TTC28: variants seen among roughly 807,000 people sequenced by gnomAD.
TTC28 encodes the protein tetratricopeptide repeat protein 28.
A neutral mutation model predicts 198.0 loss-of-function variants in TTC28; 61 were observed. The ratio of observed to expected loss-of-function variants is 0.31; its 90% CI spans 0.25 to 0.38. The LOEUF is 0.38. Among genes scored for constraint, TTC28 ranks in the 10% least tolerant of loss-of-function variants. TTC28 has a pLI of 1.00. For missense variants in TTC28, 2,678 were observed against 3,164.0 expected (o/e 0.85, Z 3.69); for synonymous variants, 1,171 against 1,297.8 (o/e 0.90, Z 2.10).
At chr22:28,367,665 AC>A (rs1188125813) in intron 2 of TTC28, among the ~76,000 whole-genome samples, 1 of 152,052 alleles carries the variant, frequency 6.6e-6, no homozygotes, top group African/African-American at 2.4e-5. Flanking sequence ...AAATTGACAA[AC>A]CTTTAGCCAG....
At chr22:28,020,005 A>G (rs1938526799) in intron 13 of TTC28, among the ~76,000 whole-genome samples, 1 of 152,178 alleles carries the variant, frequency 6.6e-6, no homozygotes, top group Non-Finnish European at 1.5e-5. Flanking sequence ...TCCTCTTCAG[A>G]TGAGGAACCA....
chr22:28,603,227 T>C (rs2050670833), intron 2 of TTC28, among the ~76,000 whole-genome samples: 1 of 151,804 alleles, frequency 6.6e-6, no homozygotes, highest in East Asian at 1.9e-4. Flanking sequence ...GAACAACAAA[T>C]AATATTTCAT....
intron 3 of TTC28, among the ~76,000 whole-genome samples, chr22:28,304,586 G>C (rs1306605532): frequency 3.3e-5 from 5 of 152,128 alleles, no homozygotes; most frequent in African/African-American, 1.2e-4. Context: ...ACATAAGATG[G>C]GAAAGAACCT....
chr22:28,025,979 T>C (rs932975641), intron 13 of TTC28, among the ~76,000 whole-genome samples: 4 of 152,152 alleles, frequency 2.6e-5, no homozygotes, highest in African/African-American at 7.2e-5. Context: ...GAGATGGCTC[T>C]CCTCTCCAGT....
At chr22:28,161,714 GA>G (rs1409606590) in intron 6 of TTC28, among the ~76,000 whole-genome samples, 1 of 144,602 alleles carries the variant, frequency 6.9e-6, no homozygotes, top group African/African-American at 2.5e-5. Context: ...GGGGAAAGAG[GA>G]AAGGAAAGAG....
Position 28,521,118 on chromosome 22 carries a change from G to A in TTC28, c.381+108434C>T, listed in dbSNP as rs548784211. ...AATATATATGTTAAAACTATGTTGAGGCAAGGGGCAGTGGCTCATGCCTAT... is the reference window on the plus strand; with the variant it reads ...AATATATATGTTAAAACTATGTTGAAGCAAGGGGCAGTGGCTCATGCCTAT... On this transcript the variant is annotated intron_variant, in intron 2 of 22. Transcript: ENST00000397906. 1.1e-3 allele frequency among the ~76,000 whole-genome samples: 167 copies of A among 152,182 alleles called. 2 individuals carry two copies. Among genetic ancestry groups the A allele is most frequent in the Non-Finnish European group, 2.1e-3 (143 of 68,012 alleles).
intron 1 of TTC28, among the ~76,000 whole-genome samples, chr22:28,654,731 ATC>A (rs756928788): frequency 6.6e-6 from 1 of 152,198 alleles, no homozygotes; most frequent in Non-Finnish European, 1.5e-5. Context: ...CACTTCAACC[ATC>A]TTCAGTGGAC....
intron 2 of TTC28, among the ~76,000 whole-genome samples, chr22:28,576,184 T>C (rs2050147464): frequency 1.3e-5 from 2 of 151,980 alleles, no homozygotes; most frequent in African/African-American, 4.8e-5. Flanking sequence ...TTTTTTTTTT[T>C]AGTATTTTTA....
chr22:28,580,426 C>T (rs2050218162), intron 2 of TTC28, among the ~76,000 whole-genome samples: 1 of 152,062 alleles, frequency 6.6e-6, no homozygotes, highest in South Asian at 2.1e-4. Flanking sequence ...AAAATAGAGG[C>T]AGGGTCTCAC....
intron 5 of TTC28, among the ~76,000 whole-genome samples, chr22:28,219,295 G>T (rs1327122030): frequency 6.6e-6 from 1 of 152,162 alleles, no homozygotes; most frequent in Admixed American, 6.5e-5. Flanking sequence ...GACTGCCTGA[G>T]GTCAGGAGTT....
chr22:28,514,880 T>C (rs999879058), intron 2 of TTC28, among the ~76,000 whole-genome samples: 1 of 152,236 alleles, frequency 6.6e-6, no homozygotes, highest in Non-Finnish European at 1.5e-5. Context: ...AGGTTATTAA[T>C]GTTTCATCCC....
chr22:28,574,615 C>T (rs762253322), intron 2 of TTC28, among the ~76,000 whole-genome samples: 1 of 152,056 alleles, frequency 6.6e-6, no homozygotes, highest in Non-Finnish European at 1.5e-5. Context: ...TTGTCCAAAG[C>T]AGTTTTACTA....
chr22:28,599,711 G>A (rs925615536), intron 2 of TTC28, among the ~76,000 whole-genome samples: 10 of 152,158 alleles, frequency 6.6e-5, no homozygotes, highest in African/African-American at 2.4e-4. Flanking sequence ...ATTAGAAGAA[G>A]GCTCTAGATT....
At position 28,594,707 on chromosome 22, in the gene TTC28, G is replaced by GA. The variant is rs147978191; in HGVS notation, c.381+34844dup. On this transcript the variant is annotated intron_variant, in intron 2 of 22. Coordinates refer to ENST00000397906, the MANE Select transcript of TTC28 (RefSeq NM_001145418.2). ...TCATTGCACTCCAAGTACTGAAATA[G>GA]ATAGGATCCTCTCTTTGAGGAAGGA... is the stretch of plus-strand genomic sequence containing the variant. 1.8e-3 allele frequency among the ~76,000 whole-genome samples: 280 copies of GA among 152,212 alleles called. 2 individuals carry two copies. Among genetic ancestry groups the GA allele is most frequent in the African/African-American group, 6.6e-3 (274 of 41,528 alleles).
At chr22:28,551,972 G>C (rs2049681069) in intron 2 of TTC28, among the ~76,000 whole-genome samples, 1 of 152,058 alleles carries the variant, frequency 6.6e-6, no homozygotes, top group Admixed American at 6.6e-5. Flanking sequence ...CATATACCTA[G>C]AGAACCCTCA....
At chr22:28,677,012 G>A (rs182424971) in intron 1 of TTC28, among the ~76,000 whole-genome samples, 41 of 151,382 alleles carry the variant, frequency 2.7e-4, no homozygotes, top group Middle Eastern at 3.4e-3. Context: ...AAAATTAGCC[G>A]GGCATGGCGG....
chr22:28,205,460 G>GC (rs1382572579), intron 5 of TTC28, among the ~76,000 whole-genome samples: 2 of 151,898 alleles, frequency 1.3e-5, no homozygotes, highest in Non-Finnish European at 2.9e-5. Flanking sequence ...TCTGCCAACT[G>GC]CCCATACTCC....
At chr22:28,256,492 T>C (rs1254576287) in intron 5 of TTC28, among the ~76,000 whole-genome samples, 1 of 150,430 alleles carries the variant, frequency 6.6e-6, no homozygotes, top group Non-Finnish European at 1.5e-5. Flanking sequence ...AAGAGATTAA[T>C]GTAAGAGTTA....
At position 28,163,484 on chromosome 22, in the gene TTC28, T is replaced by C. The variant is rs1482903687; in HGVS notation, c.1049A>G (p.Glu350Gly). Residue 350 changes from glutamate (E) to glycine (G), a missense_variant, in exon 6 of 23, where the codon GAA becomes GGA. Around this residue, in one of 8 missense-constraint regions of TTC28, gnomAD observed 775 missense variants for 845.9 expected, o/e 0.92. Transcript: ENST00000397906. ...CVLLAKQSKD[E>G]LSEARELGNM... is the part of the protein sequence containing the mutation. ...GCCAAGTTCTCGGGCTTCAGAAAGTTCATCTTTGGATTGCTTGGCAAGAAG... is the reference window on the plus strand; with the variant it reads ...GCCAAGTTCTCGGGCTTCAGAAAGTCCATCTTTGGATTGCTTGGCAAGAAG... 6.4e-7 allele frequency: 1 copy of C among 1,551,632 alleles called. No homozygotes were observed. Among genetic ancestry groups the C allele is most frequent in the Non-Finnish European group, 8.7e-7 (1 of 1,147,020 alleles).
Sources: allele counts gnomAD v4.1 joint callset (sites outside exome capture counted in the v4.1 genomes callset), GRCh38; gene constraint gnomAD v4.1.1; regional missense constraint gnomAD v4.1.1; transcripts MANE v1.5; gene names NCBI Gene and HGNC (gene_info 2026-07-23, HGNC 2026-07-21).